The following RALGPS1 variants were observed in gnomAD, a reference collection of about 807,000 sequenced individuals.
RALGPS1 encodes the protein ras-specific guanine nucleotide-releasing factor RalGPS1.
A neutral mutation model predicts 78.8 loss-of-function variants in RALGPS1; 19 were observed. That is an observed-to-expected ratio of 0.24 (90% CI 0.17 to 0.35). The LOEUF is 0.35. Ranked by LOEUF, RALGPS1 falls within the 10% of genes least tolerant of loss-of-function variation. The probability of loss-of-function intolerance (pLI) is 1.00; values close to 1 mark genes in which losing one functional copy is unlikely to be tolerated. For missense variants in RALGPS1, 454 were observed against 688.3 expected, an observed-to-expected ratio of 0.66 and a Z score of 3.81; for synonymous variants, 228 against 256.3, an observed-to-expected ratio of 0.89 and a Z score of 1.06.
chr9:127,003,074 G>T (rs1363593963), intron 4 of RALGPS1, among the ~76,000 whole-genome samples: 2 of 152,208 alleles, frequency 1.3e-5, no homozygotes, highest in Non-Finnish European at 2.9e-5. Flanking sequence ...CAGTGTAAAA[G>T]TGTTCCTATT....
At chr9:126,926,202 C>T (rs926737799) in intron 1 of RALGPS1, among the ~76,000 whole-genome samples, 1 of 152,136 alleles carries the variant, frequency 6.6e-6, no homozygotes, top group Admixed American at 6.6e-5. Context: ...AATACTTGGA[C>T]CTCATTAGTG....
chr9:127,092,672 C>T (rs560917822), intron 8 of RALGPS1, among the ~76,000 whole-genome samples: 5 of 152,118 alleles, frequency 3.3e-5, no homozygotes, highest in African/African-American at 7.2e-5. Flanking sequence ...AACTGAGGCC[C>T]AGAGAGGCTC....
chr9:127,191,276 T>C (rs2061013493), intron 11 of RALGPS1, among the ~76,000 whole-genome samples: 1 of 152,244 alleles, frequency 6.6e-6, no homozygotes, highest in African/African-American at 2.4e-5. Flanking sequence ...CTTTAGGATT[T>C]GTGTTTTTTC....
At chr9:127,011,327 G>T (rs533296053) in intron 4 of RALGPS1, among the ~76,000 whole-genome samples, 1 of 152,008 alleles carries the variant, frequency 6.6e-6, no homozygotes, top group Non-Finnish European at 1.5e-5. Flanking sequence ...ACAGGTGCCC[G>T]CCACCATGCC....
chr9:127,138,558 T>C (rs2057554909), intron 8 of RALGPS1, among the ~76,000 whole-genome samples: 1 of 152,010 alleles, frequency 6.6e-6, no homozygotes, highest in Non-Finnish European at 1.5e-5. Flanking sequence ...AGCTCACAAT[T>C]GCTGCACATA....
intron 11 of RALGPS1, among the ~76,000 whole-genome samples, chr9:127,176,009 G>T (rs2059849088): frequency 1.3e-5 from 2 of 152,090 alleles, no homozygotes; most frequent in South Asian, 4.2e-4. Context: ...CTGATTCCCA[G>T]GGGGGACTCC....
chr9:127,143,520 C>T (rs58657510), intron 8 of RALGPS1, among the ~76,000 whole-genome samples: 7,306 of 152,274 alleles, frequency 0.048, 605 homozygotes, highest in African/African-American at 0.17. Context: ...GCCTACCCTC[C>T]AGACATGAAG....
intron 8 of RALGPS1, among the ~76,000 whole-genome samples, chr9:127,098,249 G>A (rs557041811): frequency 5.8e-4 from 89 of 152,326 alleles, no homozygotes; most frequent in African/African-American, 1.9e-3. Flanking sequence ...AGTTTTCAAC[G>A]TGCAGTGGGC....
At chr9:126,953,964 A>C (rs189321581) in intron 1 of RALGPS1, among the ~76,000 whole-genome samples, 6 of 152,286 alleles carry the variant, frequency 3.9e-5, no homozygotes, top group Admixed American at 1.3e-4. Flanking sequence ...ATGCCCCAAC[A>C]TGCTGGTATC....
chr9:127,081,611 A>G (rs2051178469), intron 8 of RALGPS1, among the ~76,000 whole-genome samples: 1 of 152,046 alleles, frequency 6.6e-6, no homozygotes, highest in Non-Finnish European at 1.5e-5. Flanking sequence ...TTCTAATTCC[A>G]CTCCCTCCAC....
chr9:127,173,667 G>T (rs913130933), intron 10 of RALGPS1, among the ~76,000 whole-genome samples: 1 of 152,134 alleles, frequency 6.6e-6, no homozygotes, highest in Non-Finnish European at 1.5e-5. Context: ...CCGTTGCCTT[G>T]TGCCTCTCTA....
At chr9:126,990,502 A>G (rs1442857447) in intron 4 of RALGPS1, among the ~76,000 whole-genome samples, 1 of 151,852 alleles carries the variant, frequency 6.6e-6, no homozygotes, top group East Asian at 1.9e-4. Flanking sequence ...CCAGCAGCAG[A>G]CCTCCCGACT....
At chr9:127,056,216 T>A (rs995358798) in intron 7 of RALGPS1, among the ~76,000 whole-genome samples, 8 of 152,250 alleles carry the variant, frequency 5.3e-5, no homozygotes, top group African/African-American at 1.7e-4. Flanking sequence ...AACATGTCCC[T>A]GTTCCTATTC....
intron 4 of RALGPS1, among the ~76,000 whole-genome samples, chr9:126,982,223 A>G (rs1044577970): frequency 6.6e-5 from 10 of 152,318 alleles, no homozygotes; most frequent in Middle Eastern, 3.4e-3. Context: ...CAAGAGCTGG[A>G]CACCAGCAAG....
At chr9:127,156,248 T>C (rs1473883153) in intron 8 of RALGPS1, among the ~76,000 whole-genome samples, 1 of 152,230 alleles carries the variant, frequency 6.6e-6, no homozygotes, top group East Asian at 1.9e-4. Flanking sequence ...AGTGAACATT[T>C]CTTATTAATG....
chr9:127,133,908 C>A (rs980686190), intron 8 of RALGPS1, among the ~76,000 whole-genome samples: 47 of 152,058 alleles, frequency 3.1e-4, no homozygotes, highest in African/African-American at 1.1e-3. Flanking sequence ...ATGCTCCTTT[C>A]CTGACTGAGT....
At chr9:127,050,596 G>A (rs868602366) in intron 6 of RALGPS1, among the ~76,000 whole-genome samples, 2 of 152,124 alleles carry the variant, frequency 1.3e-5, no homozygotes, top group Non-Finnish European at 2.9e-5. Flanking sequence ...TGAGCTTCAG[G>A]TCTGGGCCAG....
At chr9:127,042,239 A>C (rs186359210) in intron 5 of RALGPS1, among the ~76,000 whole-genome samples, 1 of 152,220 alleles carries the variant, frequency 6.6e-6, no homozygotes, top group African/African-American at 2.4e-5. Flanking sequence ...CAGTAGCTAA[A>C]TGCCAGTGCT....
At chr9:127,092,879 G>A (rs1183403012) in intron 8 of RALGPS1, among the ~76,000 whole-genome samples, 1 of 152,136 alleles carries the variant, frequency 6.6e-6, no homozygotes, top group Admixed American at 6.5e-5. Context: ...AAGGGGCATG[G>A]CAGAGCCATG....
Sources: gnomAD v4.1 joint callset for allele counts (sites outside exome capture counted in the v4.1 genomes callset) on GRCh38, gnomAD v4.1.1 for gene constraint, MANE v1.5 for transcripts, NCBI Gene and HGNC (gene_info 2026-07-23, HGNC 2026-07-21) for gene names.